ERC2: variants seen among roughly 807,000 people sequenced by gnomAD.
The protein encoded by ERC2 is ERC protein 2.
Under a neutral mutation model 114.8 loss-of-function variants are expected in ERC2, and 42 were observed. That is an observed-to-expected ratio of 0.37 (90% confidence interval 0.29 to 0.47). ERC2 has a LOEUF of 0.47. Ranked by LOEUF, ERC2 falls within the 20% of genes least tolerant of loss-of-function variation. ERC2 has a pLI of 0.99. For synonymous variants in ERC2, 454 were observed against 425.5 expected, an observed-to-expected ratio of 1.07 and a Z score of -0.82; for missense variants, 939 against 1,150.7, an observed-to-expected ratio of 0.82 and a Z score of 2.66.
intron 2 of ERC2, among the ~76,000 whole-genome samples, chr3:56,407,414 C>G (rs2060771595): frequency 6.6e-6 from 1 of 152,178 alleles, no homozygotes; most frequent in Admixed American, 6.5e-5. Context: ...TCTCAATCAA[C>G]CACTTCAGAA....
At chr3:55,540,719 A>T (rs550145957) in intron 17 of ERC2, among the ~76,000 whole-genome samples, 43 of 152,370 alleles carry the variant, frequency 2.8e-4, no homozygotes, top group Admixed American at 2.3e-3. Flanking sequence ...CAATGACTGT[A>T]CCATGAATAG....
At chr3:56,256,796 T>C (rs1452729327) in intron 3 of ERC2, among the ~76,000 whole-genome samples, 1 of 152,070 alleles carries the variant, frequency 6.6e-6, no homozygotes, top group Non-Finnish European at 1.5e-5. Context: ...TGTTTGGAGG[T>C]TCCTCCTTCA....
At chr3:55,904,962 T>C (rs966942073) in intron 13 of ERC2, among the ~76,000 whole-genome samples, 3 of 152,222 alleles carry the variant, frequency 2.0e-5, no homozygotes, top group South Asian at 4.1e-4. Context: ...AAGGTGAGCA[T>C]GGGAAGAGCA....
chr3:56,064,562 G>C lies in ERC2; in HGVS notation c.1641+16255C>G, dbSNP rs372981653. Reference sequence around the variant, plus strand: ...TTTATTCACAAAAAAGCTACAGAACGCAACAGAAACTAAGGAAGACCTCAC... The same window carrying C: ...TTTATTCACAAAAAAGCTACAGAACCCAACAGAAACTAAGGAAGACCTCAC... On this transcript the variant is annotated intron_variant, in intron 7 of 17. Transcript: ENST00000288221. Among the ~76,000 whole-genome samples, 7 of 152,288 alleles carry C rather than the reference G, an allele frequency of 4.6e-5. No homozygotes were observed. The South Asian group carries it at 8.3e-4, about 18-fold the overall frequency.
chr3:56,081,161 C>T (rs1258719185), intron 6 of ERC2, among the ~76,000 whole-genome samples, 177 bp from the exon 7 acceptor site: 1 of 151,390 alleles, frequency 6.6e-6, no homozygotes, highest in Non-Finnish European at 1.5e-5. Flanking sequence ...TTCTTAAAGC[C>T]CTATTGTGTG....
chr3:56,294,145 T>G (rs945942615), intron 3 of ERC2, among the ~76,000 whole-genome samples: 5 of 152,272 alleles, frequency 3.3e-5, no homozygotes, highest in African/African-American at 4.8e-5. Flanking sequence ...CAGTAATTGT[T>G]GCTCCTCTTC....
chr3:56,464,686 T>G (rs116083668), intron 1 of ERC2, among the ~76,000 whole-genome samples: 1,546 of 151,380 alleles, frequency 0.01, 27 homozygotes, highest in African/African-American at 0.035. Flanking sequence ...TATTTTAAAT[T>G]TATGAGATCT....
Position 56,382,147 on chromosome 3 carries a change from T to G in ERC2, c.657+52204A>C, listed in dbSNP as rs1045944708. On this transcript the variant is annotated intron_variant, in intron 2 of 17. Coordinates refer to ENST00000288221, the MANE Select transcript of ERC2 (RefSeq NM_015576.3). ...CCATCAACTCACGGACTTGCATCTC[T>G]GCCCAGATCCTCTGCCATCCCTCCT... 7.9e-5 allele frequency among the ~76,000 whole-genome samples: 12 copies of G among 152,264 alleles called. 1 individual carries two copies. In the East Asian group the frequency reaches 2.3e-3, roughly 29 times the overall value.
intron 5 of ERC2, among the ~76,000 whole-genome samples, chr3:56,141,737 G>A (rs2080867781): frequency 6.6e-6 from 1 of 152,004 alleles, no homozygotes; most frequent in African/African-American, 2.4e-5. Flanking sequence ...TTATTGTAAT[G>A]AATTGCATTA....
At chr3:56,411,051 G>GAAA (rs61081379) in intron 2 of ERC2, among the ~76,000 whole-genome samples, 4,006 of 82,024 alleles carry the variant, frequency 0.049, 228 homozygotes, top group African/African-American at 0.15. Context: ...AATTATCTCA[G>GAAA]AAAAAAAAAA....
chr3:55,817,312 A>C (rs971793519), intron 14 of ERC2, among the ~76,000 whole-genome samples: 2 of 152,104 alleles, frequency 1.3e-5, no homozygotes, highest in African/African-American at 4.8e-5. Flanking sequence ...TTAGTGTTTC[A>C]CATCTAACGT....
intron 7 of ERC2, among the ~76,000 whole-genome samples, chr3:56,057,302 C>A (rs1047732047): frequency 1.3e-5 from 2 of 152,186 alleles, no homozygotes; most frequent in South Asian, 4.1e-4. Context: ...TTTCATCTTA[C>A]AAAACTAAAA....
At chr3:56,080,489 G>A (rs1348999383) in intron 7 of ERC2, among the ~76,000 whole-genome samples, 1 of 152,126 alleles carries the variant, frequency 6.6e-6, no homozygotes, top group Non-Finnish European at 1.5e-5. Flanking sequence ...CAAATACATT[G>A]CTAACTCTCA....
At chr3:55,971,516 T>A (rs1399176621) in intron 12 of ERC2, among the ~76,000 whole-genome samples, 1 of 152,194 alleles carries the variant, frequency 6.6e-6, no homozygotes, top group Non-Finnish European at 1.5e-5. Flanking sequence ...AATGCAAGCA[T>A]AGACACATCT....
intron 17 of ERC2, among the ~76,000 whole-genome samples, chr3:55,549,950 G>GAGAGAGAGAC (rs2055048730): frequency 7.0e-6 from 1 of 142,058 alleles, no homozygotes; most frequent in Non-Finnish European, 1.5e-5. Flanking sequence ...GAGAGAGAGA[G>GAGAGAGAGAC]AGAGAGAGAC....
intron 17 of ERC2, among the ~76,000 whole-genome samples, chr3:55,530,324 C>T (rs1055490225): frequency 1.3e-5 from 2 of 152,174 alleles, no homozygotes; most frequent in African/African-American, 2.4e-5. Flanking sequence ...ATTCTGCAAT[C>T]GTGGCAGGAA....
At chr3:55,936,693 G>C (rs1174760450) in intron 13 of ERC2, among the ~76,000 whole-genome samples, 1 of 152,192 alleles carries the variant, frequency 6.6e-6, no homozygotes, top group Non-Finnish European at 1.5e-5. Flanking sequence ...TGCTGGAGCA[G>C]TCAGTGAGGG....
chr3:56,450,475 A>C (rs2062780198), intron 1 of ERC2, among the ~76,000 whole-genome samples: 1 of 152,224 alleles, frequency 6.6e-6, no homozygotes, highest in Non-Finnish European at 1.5e-5. Flanking sequence ...AACCCCTAAA[A>C]ATTTTGTTAA....
At chr3:56,215,752 T>G (rs910126543) in intron 3 of ERC2, among the ~76,000 whole-genome samples, 3 of 152,160 alleles carry the variant, frequency 2.0e-5, no homozygotes, top group African/African-American at 7.2e-5. Flanking sequence ...AGTAAAGCAC[T>G]CCTCAGCAAG....
Sources: gnomAD v4.1 joint callset for allele counts (sites outside exome capture counted in the v4.1 genomes callset) on GRCh38, gnomAD v4.1.1 for gene constraint, MANE v1.5 for transcripts, NCBI Gene and HGNC (gene_info 2026-07-23, HGNC 2026-07-21) for gene names.